Variants in CACNA2D3 observed in about 807,000 individuals in gnomAD.
CACNA2D3 encodes the protein calcium voltage-gated channel auxiliary subunit alpha2delta 3.
A neutral mutation model predicts 160.6 loss-of-function variants in CACNA2D3; 60 were observed. The observed-to-expected ratio is 0.37, with a 90% confidence interval of 0.30 to 0.46. CACNA2D3 has a LOEUF of 0.46. Ranked by LOEUF, CACNA2D3 falls within the 20% of genes least tolerant of loss-of-function variation. The pLI, the probability that CACNA2D3 is intolerant of heterozygous loss-of-function variation, is 1.00. For synonymous variants in CACNA2D3, 558 were observed against 492.9 expected (o/e 1.13, Z -1.75); for missense variants, 1,205 against 1,365.0 (o/e 0.88, Z 1.85).
At chr3:54,127,527 G>C (rs551412416) in intron 2 of CACNA2D3, among the ~76,000 whole-genome samples, 1 of 152,164 alleles carries the variant, frequency 6.6e-6, no homozygotes, top group Non-Finnish European at 1.5e-5. Context: ...CTTGCTGCTC[G>C]TGGGAAGCCC....
At chr3:54,334,505 G>A (rs1704332558) in intron 3 of CACNA2D3, among the ~76,000 whole-genome samples, 1 of 152,146 alleles carries the variant, frequency 6.6e-6, no homozygotes, top group Non-Finnish European at 1.5e-5. Flanking sequence ...GAGATCTGAG[G>A]TTAGCCATTA....
At chr3:54,261,494 T>C (rs1702399706) in intron 2 of CACNA2D3, among the ~76,000 whole-genome samples, 3 of 152,210 alleles carry the variant, frequency 2.0e-5, no homozygotes. Flanking sequence ...CATGCAGTGG[T>C]TGCTCAAGGT....
In CACNA2D3 at chr3:54,212,006, C is replaced by G. The variant is rs117738779; in HGVS notation, c.204+88412C>G. On this transcript the variant is annotated intron_variant, in intron 2 of 37. Coordinates refer to ENST00000474759, the MANE Select transcript of CACNA2D3 (RefSeq NM_018398.3). Reference sequence around the variant, plus strand: ...GGACAGAAATCTCAACTTCACCCACCTCTCTCTTGCCAAGAAACCCTGAGA... The same window carrying G: ...GGACAGAAATCTCAACTTCACCCACGTCTCTCTTGCCAAGAAACCCTGAGA... Among the ~76,000 whole-genome samples the G allele has an allele frequency of 5.6e-4, 85 of 152,152 alleles. 2 individuals are homozygous for G. The East Asian group carries it at 0.015, about 28-fold the overall frequency.
rs184367669 is a variant in CACNA2D3, at chr3:54,842,116, G to A, written c.1551+3468G>A. Among the ~76,000 whole-genome samples, 18 of 152,348 alleles carry A rather than the reference G, an allele frequency of 1.2e-4. No homozygotes were observed. In the East Asian group the frequency reaches 1.4e-3, roughly 11 times the overall value. ...TAATTATTTGAGAGACTCATCCACAGAATGTGTTGTATTTTGAGATGTGGT... is the reference window on the plus strand; with the variant it reads ...TAATTATTTGAGAGACTCATCCACAAAATGTGTTGTATTTTGAGATGTGGT... On this transcript the variant is annotated intron_variant, in intron 16 of 37. Transcript: ENST00000474759.
intron 8 of CACNA2D3, among the ~76,000 whole-genome samples, chr3:54,572,379 C>A (rs1456886758): frequency 6.6e-6 from 1 of 152,218 alleles, no homozygotes; most frequent in Admixed American, 6.5e-5. Context: ...ATAACCACAG[C>A]TGCCTTCCAC....
chr3:55,072,991 T>TATC lies in CACNA2D3; in HGVS notation c.2988-453_2988-451dup, dbSNP rs753968207. ...ATAAGGAAGGCTCTAAGAAGTTCAC[T>TATC]ATCTCTTTTGCCATTGGTATGACAT... On this transcript the variant is annotated intron_variant, in intron 35 of 37. Transcript: ENST00000474759. Among the ~76,000 whole-genome samples, 92 of 152,356 alleles carry TATC rather than the reference T, an allele frequency of 6.0e-4. No individual in the cohort carries two copies. In the South Asian group the frequency reaches 8.5e-3, roughly 14 times the overall value.
intron 2 of CACNA2D3, among the ~76,000 whole-genome samples, chr3:54,167,758 G>A (rs11719497): frequency 0.44 from 67,423 of 151,992 alleles, 15,081 homozygotes; most frequent in South Asian, 0.57. Flanking sequence ...AGGCTCTGGC[G>A]GAAGTGGAAT....
At chr3:54,679,181 C>T (rs1700298972) in intron 11 of CACNA2D3, among the ~76,000 whole-genome samples, 2 of 152,168 alleles carry the variant, frequency 1.3e-5, no homozygotes, top group African/African-American at 2.4e-5. Context: ...TTAGGGCTCC[C>T]TTAGGCTCCA....
At chr3:54,157,840 A>T (rs1192143919) in intron 2 of CACNA2D3, among the ~76,000 whole-genome samples, 1 of 50,262 alleles carries the variant, frequency 2.0e-5, no homozygotes, top group South Asian at 1.0e-3. Flanking sequence ...CCAAACAAAA[A>T]AAAAAAAAAA....
chr3:54,356,888 C>T (rs531812833), intron 3 of CACNA2D3, among the ~76,000 whole-genome samples: 2 of 152,170 alleles, frequency 1.3e-5, no homozygotes, highest in South Asian at 4.1e-4. Flanking sequence ...GCTTCTATGT[C>T]ACTTTTCTCC....
chr3:54,892,236 T>G (rs1433121320), intron 25 of CACNA2D3, among the ~76,000 whole-genome samples: 1 of 151,898 alleles, frequency 6.6e-6, no homozygotes, highest in Non-Finnish European at 1.5e-5. Context: ...TAGAGAGTGG[T>G]TTGCAAGTGT....
intron 17 of CACNA2D3, among the ~76,000 whole-genome samples, chr3:54,860,702 T>G (rs563506784): frequency 9.2e-5 from 14 of 152,184 alleles, no homozygotes; most frequent in African/African-American, 3.4e-4. Context: ...AAGTAGGCAC[T>G]GGGCAGTGAT....
At chr3:54,136,970 A>T (rs1559858587) in intron 2 of CACNA2D3, among the ~76,000 whole-genome samples, 1 of 152,194 alleles carries the variant, frequency 6.6e-6, no homozygotes, top group Non-Finnish European at 1.5e-5. Context: ...AGACTCAGTC[A>T]TTCCCTCCCT....
chr3:54,448,892 G>A lies in CACNA2D3; in HGVS notation c.382-54600G>A, dbSNP rs138691760. On this transcript the variant is annotated intron_variant, in intron 4 of 37. Coordinates refer to ENST00000474759, the MANE Select transcript of CACNA2D3 (RefSeq NM_018398.3). ...GCCATAAATCGTTTGTGCAGAGATA[G>A]GTTCATCTTCTGTTATTTTGTGTCT... Among the ~76,000 whole-genome samples, 357 of 152,308 alleles carry A rather than the reference G, an allele frequency of 2.3e-3. 3 individuals are homozygous for A. Among genetic ancestry groups the A allele is most frequent in the African/African-American group, 8.3e-3 (347 of 41,558 alleles).
intron 5 of CACNA2D3, among the ~76,000 whole-genome samples, chr3:54,520,408 T>C (rs1701628298): frequency 6.6e-6 from 1 of 152,114 alleles, no homozygotes; most frequent in Admixed American, 6.5e-5. Context: ...AGTGTATTTG[T>C]CCCAAACAAA....
intron 13 of CACNA2D3, among the ~76,000 whole-genome samples, chr3:54,811,259 T>C (rs1389585025): frequency 1.3e-5 from 2 of 152,120 alleles, no homozygotes; most frequent in Non-Finnish European, 2.9e-5. Context: ...CCCATACTCA[T>C]CTTCTCAGTA....
At chr3:54,599,994 G>T (rs919600804) in intron 9 of CACNA2D3, among the ~76,000 whole-genome samples, 17 of 152,196 alleles carry the variant, frequency 1.1e-4, no homozygotes. Context: ...GCATAAGTCT[G>T]CTGGCACAGC....
intron 29 of CACNA2D3, among the ~76,000 whole-genome samples, chr3:54,979,528 G>C (rs998367293): frequency 6.6e-6 from 1 of 152,158 alleles, no homozygotes; most frequent in African/African-American, 2.4e-5. Context: ...TTACTCAATT[G>C]TTAAAAGCTG....
chr3:54,382,749 A>T (rs1276472468), intron 3 of CACNA2D3, among the ~76,000 whole-genome samples: 1 of 152,262 alleles, frequency 6.6e-6, no homozygotes, highest in Non-Finnish European at 1.5e-5. Context: ...ACGCCATTGC[A>T]CTCCAACCTG....
Sources: allele counts gnomAD v4.1 joint callset (sites outside exome capture counted in the v4.1 genomes callset), GRCh38; gene constraint gnomAD v4.1.1; transcripts MANE v1.5; gene names NCBI Gene and HGNC (gene_info 2026-07-23, HGNC 2026-07-21).